The following ZNF592 variants were observed in gnomAD, a reference collection of about 807,000 sequenced individuals.
ZNF592 encodes the protein spinocerebellar ataxia, autosomal recessive 5.
A neutral mutation model predicts 80.3 loss-of-function variants in ZNF592; 11 were observed. The observed-to-expected ratio is 0.14, with a 90% CI of 0.09 to 0.23. The LOEUF is 0.23. ZNF592 is among the 10% of genes least tolerant of loss of function. The pLI, the probability that ZNF592 is intolerant of heterozygous loss-of-function variation, is 1.00. For synonymous variants in ZNF592, 646 were observed against 640.3 expected (o/e 1.01, Z -0.13); for missense variants, 1,420 against 1,633.9 (o/e 0.87, Z 2.26).
At chr15:84,756,767 A>G (rs1311708846) in intron 1 of ZNF592, among the ~76,000 whole-genome samples, 3 of 152,292 alleles carry the variant, frequency 2.0e-5, no homozygotes, top group South Asian at 4.1e-4. Flanking sequence ...GAGTCTTGCT[A>G]CATTGCCCTG....
intron 2 of ZNF592, among the ~76,000 whole-genome samples, chr15:84,769,424 G>A (rs138927732): frequency 1.6e-4 from 24 of 151,950 alleles, no homozygotes; most frequent in Non-Finnish European, 2.9e-4. Flanking sequence ...CATGTAGAAC[G>A]GTCATGGAAG....
intron 2 of ZNF592, among the ~76,000 whole-genome samples, chr15:84,767,385 A>C (rs1899560834): frequency 6.6e-6 from 1 of 152,034 alleles, no homozygotes; most frequent in South Asian, 2.1e-4. Context: ...AGCAGGTCTG[A>C]GGCTGCTGGC....
rs796503631 is a variant in ZNF592 at position 84,806,115 on chromosome 15, C to T, written c.*3722C>T. 28 of 152,668 alleles carry T rather than the reference C, an allele frequency of 1.8e-4. No individual in the cohort carries two copies. Among genetic ancestry groups the T allele is most frequent in the African/African-American group, 6.3e-4 (26 of 41,554 alleles). The allele number at this position is 152,668 out of a possible 1,614,324, so 9.5% of individuals were successfully genotyped here. ...TATATGGATGAATGAGTGAATGCTGCATGAATGAATGAATCTGATTCAATT... is the reference window on the plus strand; with the variant it reads ...TATATGGATGAATGAGTGAATGCTGTATGAATGAATGAATCTGATTCAATT... On this transcript the variant is annotated 3_prime_UTR_variant, in exon 11 of 11. Transcript: ENST00000560079.
chr15:84,797,785 T>C (rs1962959662), intron 5 of ZNF592, 84 bp from the exon 6 acceptor site: 2 of 1,502,228 alleles, frequency 1.3e-6, no homozygotes, highest in Non-Finnish European at 1.9e-6. Flanking sequence ...GTTCCTCTTC[T>C]CCATCCCTCC....
intron 4 of ZNF592, among the ~76,000 whole-genome samples, chr15:84,789,054 A>C (rs1254159022): frequency 1.3e-5 from 2 of 150,742 alleles, no homozygotes; most frequent in Non-Finnish European, 2.9e-5. Context: ...CTATTTAAAA[A>C]AAAAAAAACA....
chr15:84,759,363 A>G (rs1395456636), intron 1 of ZNF592, among the ~76,000 whole-genome samples: 2 of 152,164 alleles, frequency 1.3e-5, no homozygotes, highest in African/African-American at 4.8e-5. Context: ...TAGTACCCAA[A>G]ATGTACTGAA....
intron 5 of ZNF592, among the ~76,000 whole-genome samples, chr15:84,796,258 A>ATTT (rs1567076250): frequency 1.4e-3 from 37 of 26,394 alleles, no homozygotes; most frequent in South Asian, 2.7e-3. Flanking sequence ...ATATATATAT[A>ATTT]TATATATTTT....
At chr15:84,795,613 A>G (rs575078888) in intron 5 of ZNF592, among the ~76,000 whole-genome samples, 1 of 152,346 alleles carries the variant, frequency 6.6e-6, no homozygotes, top group African/African-American at 2.4e-5. Flanking sequence ...GTACTTGGCC[A>G]CTTTGGATGA....
At chr15:84,758,066 A>G (rs1899232075) in intron 1 of ZNF592, among the ~76,000 whole-genome samples, 2 of 149,754 alleles carry the variant, frequency 1.3e-5, no homozygotes. Flanking sequence ...TCCGCCTCCC[A>G]GGTTAAAGGA....
chr15:84,766,658 A>G (rs866139808), intron 2 of ZNF592, among the ~76,000 whole-genome samples: 1 of 150,610 alleles, frequency 6.6e-6, no homozygotes, highest in Non-Finnish European at 1.5e-5. Context: ...AGAGAGGGAG[A>G]GAAAGTGTAC....
In ZNF592 at chr15:84,805,739, TTTG is replaced by T. The variant is rs755913004; in HGVS notation, c.*3349_*3351del. 2 of 152,520 alleles carry T rather than the reference TTTG, an allele frequency of 1.3e-5. No homozygotes were observed. The highest frequency in any genetic ancestry group is 1.9e-4 in the East Asian group (1 of 5,202). 9.4% of individuals were successfully genotyped at this position (152,520 alleles called of 1,614,324 possible). Reference sequence around the variant, plus strand: ...ACCAGGCAGTTTCTTTTTTTGTTTGTTTGTTTTTTTGTTTTGAAAAATTAATAC... The same window carrying T: ...ACCAGGCAGTTTCTTTTTTTGTTTGTTTTTTTTGTTTTGAAAAATTAATAC... On this transcript the variant is annotated 3_prime_UTR_variant, in exon 11 of 11. Coordinates refer to ENST00000560079, the MANE Select transcript of ZNF592 (RefSeq NM_014630.3).
chr15:84,788,581 T>C (rs1489516140), intron 4 of ZNF592, among the ~76,000 whole-genome samples: 1 of 152,178 alleles, frequency 6.6e-6, no homozygotes, highest in African/African-American at 2.4e-5. Flanking sequence ...ATACACGTAA[T>C]GTAAAATTTC....
intron 5 of ZNF592, among the ~76,000 whole-genome samples, chr15:84,796,221 C>CAAAAAA (rs753718341): frequency 7.9e-5 from 2 of 25,422 alleles, no homozygotes; most frequent in African/African-American, 2.8e-4. Context: ...GACTCTGTCT[C>CAAAAAA]AAAAAAAAAA....
chr15:84,798,501 GGGA>G lies in ZNF592; in HGVS notation c.2736+33_2736+35del, dbSNP rs1962991441. ...TGGGATGCCTTGCGGGAGGAGGCCGGGGAGGAGGGCACATGCCTCAGGCTGGGG... is the reference window on the plus strand; with the variant it reads ...TGGGATGCCTTGCGGGAGGAGGCCGGGGAGGGCACATGCCTCAGGCTGGGG... On this transcript the variant is annotated intron_variant, in intron 7 of 10. Transcript: ENST00000560079. This position sits in a 1 kb window ranked among gnomAD's most constrained non-coding sequence, Gnocchi z 4.5. The G allele has an allele frequency of 6.2e-7, 1 of 1,613,746 alleles. No individual in the cohort carries two copies. The highest frequency in any genetic ancestry group is 1.3e-5 in the African/African-American group (1 of 74,912).
chr15:84,796,296 A>AT (rs1567076462), intron 5 of ZNF592, among the ~76,000 whole-genome samples: 5 of 40,134 alleles, frequency 1.2e-4, no homozygotes, highest in Non-Finnish European at 2.0e-4. Flanking sequence ...TATATATATA[A>AT]AAAAACGAAG....
chr15:84,776,725 C>T (rs1292892535), intron 2 of ZNF592, among the ~76,000 whole-genome samples: 1 of 152,194 alleles, frequency 6.6e-6, no homozygotes, highest in Non-Finnish European at 1.5e-5. Context: ...CACTGCACTC[C>T]AGCCTGGGTG....
intron 1 of ZNF592, among the ~76,000 whole-genome samples, chr15:84,757,769 C>T (rs1596105667): frequency 2.0e-5 from 3 of 151,588 alleles, no homozygotes; most frequent in East Asian, 3.9e-4. Flanking sequence ...AGCAATTCTC[C>T]TGCCTCAGCC....
At position 84,798,103 on chromosome 15, in the gene ZNF592, C is replaced by T. The variant is rs1450312139; in HGVS notation, c.2576+58C>T. 63 of 1,599,408 alleles carry T rather than the reference C, an allele frequency of 3.9e-5. No homozygotes were observed. Among genetic ancestry groups the T allele is most frequent in the Non-Finnish European group, 5.4e-5 (63 of 1,174,220 alleles). The stretch of plus-strand genomic sequence containing the variant: ...GGAGCAGAGAGGAGTAGCCTGGGTG[C>T]TGTAGGGGGTGGCATAGGGATGGGT... On this transcript the variant is annotated intron_variant, in intron 6 of 10. Transcript: ENST00000560079. This position sits in a 1 kb window ranked among gnomAD's most constrained non-coding sequence, Gnocchi z 4.5.
rs1447913219 is a variant in ZNF592, at chr15:84,803,818, C to T, written c.*1425C>T. ...TTTCACTGATGGTGGAGTCAGGGCC[C>T]ACCCAAGCACGAGGAGCAGGCTGTG... On this transcript the variant is annotated 3_prime_UTR_variant, in exon 11 of 11. Transcript: ENST00000560079. 6.6e-6 allele frequency: 1 copy of T among 152,236 alleles called. No homozygotes were observed. The highest frequency in any genetic ancestry group is 1.5e-5 in the Non-Finnish European group (1 of 68,078). The allele number at this position is 152,236 out of a possible 1,614,324, so 9.4% of individuals were successfully genotyped here.
Sources: allele counts gnomAD v4.1 joint callset (sites outside exome capture counted in the v4.1 genomes callset), GRCh38; gene constraint gnomAD v4.1.1; non-coding constraint Gnocchi (gnomAD v3.1); transcripts MANE v1.5; gene names NCBI Gene and HGNC (gene_info 2026-07-23, HGNC 2026-07-21).